CPNE8: variants seen among roughly 807,000 people sequenced by gnomAD.
The protein encoded by CPNE8 is copine 8.
CPNE8 carries 45 observed loss-of-function variants against 81.5 expected under a neutral mutation model. That is an observed-to-expected ratio of 0.55 (90% confidence interval 0.44 to 0.71). CPNE8 has a LOEUF of 0.71. Among genes scored for constraint, CPNE8 ranks in the 30% least tolerant of loss-of-function variants. CPNE8 has a pLI of 0.00. For synonymous variants in CPNE8, 252 were observed against 226.3 expected (o/e 1.11, Z -1.02); for missense variants, 594 against 672.1 (o/e 0.88, Z 1.28).
chr12:38,810,201 T>C (rs757268179), intron 6 of CPNE8, among the ~76,000 whole-genome samples: 35 of 152,152 alleles, frequency 2.3e-4, no homozygotes, highest in Non-Finnish European at 4.3e-4. Context: ...CTCAAGATCT[T>C]TATGGGTCTC....
chr12:38,905,938 G>T (rs539295219), upstream of CPNE8: 65 of 985,382 alleles, frequency 6.6e-5, no homozygotes, highest in South Asian at 2.5e-3. Flanking sequence ...AGCCCTCGCC[G>T]GCTCTGCGTG....
At chr12:38,813,771 T>G (rs1447271922) in intron 6 of CPNE8, among the ~76,000 whole-genome samples, 1 of 152,162 alleles carries the variant, frequency 6.6e-6, no homozygotes, top group Admixed American at 6.5e-5. Flanking sequence ...TGCATAAAAT[T>G]CCAGGTCATT....
chr12:38,668,964 G>A (rs1027291587), intron 19 of CPNE8, among the ~76,000 whole-genome samples: 3 of 151,976 alleles, frequency 2.0e-5, no homozygotes, highest in African/African-American at 7.3e-5. Flanking sequence ...TGAGGCAGGA[G>A]AATGACGTTA....
chr12:38,681,209 A>C (rs1355430420), intron 16 of CPNE8, among the ~76,000 whole-genome samples: 1 of 152,116 alleles, frequency 6.6e-6, no homozygotes, highest in Non-Finnish European at 1.5e-5. Context: ...TTCTAGATGA[A>C]TAGAAATTTT....
chr12:38,895,577 A>T (rs751136086), intron 1 of CPNE8, among the ~76,000 whole-genome samples: 2 of 152,064 alleles, frequency 1.3e-5, no homozygotes, highest in Non-Finnish European at 2.9e-5. Flanking sequence ...GAAATAAAAC[A>T]TCACATGGTT....
chr12:38,799,756 T>A (rs1459377480), intron 6 of CPNE8, among the ~76,000 whole-genome samples: 2 of 145,090 alleles, frequency 1.4e-5, no homozygotes, highest in Non-Finnish European at 1.6e-5. Context: ...CGGGTTCATC[T>A]CACTAGGGAG....
chr12:38,872,139 CA>C (rs371743585), intron 3 of CPNE8, among the ~76,000 whole-genome samples: 9 of 146,936 alleles, frequency 6.1e-5, no homozygotes, highest in Non-Finnish European at 9.1e-5. Flanking sequence ...CTGTCTCAAA[CA>C]AAAAAAAAAT....
chr12:38,817,344 T>C (rs1292868522), intron 6 of CPNE8, among the ~76,000 whole-genome samples: 4 of 152,242 alleles, frequency 2.6e-5, no homozygotes, highest in Non-Finnish European at 5.9e-5. Flanking sequence ...CCTTCCTATA[T>C]TTAGACTGTC....
chr12:38,874,130 A>C (rs1294718318), intron 2 of CPNE8, among the ~76,000 whole-genome samples: 1 of 152,066 alleles, frequency 6.6e-6, no homozygotes, highest in East Asian at 1.9e-4. Flanking sequence ...AAAGAAAAAA[A>C]AGAAACGTAT....
intron 1 of CPNE8, among the ~76,000 whole-genome samples, chr12:38,875,653 C>G (rs555050172): frequency 6.6e-6 from 1 of 152,240 alleles, no homozygotes; most frequent in Admixed American, 6.5e-5. Context: ...GCCATTGAAT[C>G]ACTATACACT....
At chr12:38,813,034 T>G (rs1308013004) in intron 6 of CPNE8, among the ~76,000 whole-genome samples, 2 of 152,204 alleles carry the variant, frequency 1.3e-5, no homozygotes, top group Non-Finnish European at 2.9e-5. Flanking sequence ...GGAGAAAATT[T>G]AAGTAGTTGA....
At chr12:38,727,689 G>A (rs1304229127) in intron 11 of CPNE8, among the ~76,000 whole-genome samples, 1 of 152,106 alleles carries the variant, frequency 6.6e-6, no homozygotes, top group African/African-American at 2.4e-5. Flanking sequence ...TGCTGGAGGT[G>A]ATGATATAAT....
At chr12:38,905,802 G>C (rs1372501856), upstream of CPNE8, 28 of 985,242 alleles carry the variant, frequency 2.8e-5, no homozygotes, top group Non-Finnish European at 3.3e-5. Flanking sequence ...CCGGCAGGCA[G>C]CAGCCCGGGC....
At chr12:38,883,925 G>A (rs778321740) in intron 1 of CPNE8, among the ~76,000 whole-genome samples, 16 of 152,208 alleles carry the variant, frequency 1.1e-4, no homozygotes, top group Middle Eastern at 6.8e-3. Flanking sequence ...TACCTAAGGC[G>A]TCCCTAGGCC....
chr12:38,862,506 A>G (rs1347686656), intron 3 of CPNE8, among the ~76,000 whole-genome samples: 1 of 152,178 alleles, frequency 6.6e-6, no homozygotes, highest in Non-Finnish European at 1.5e-5. Context: ...TTCAAATTTT[A>G]AAAAATAACT....
At chr12:38,843,154 C>A (rs1238473901) in intron 4 of CPNE8, among the ~76,000 whole-genome samples, 1 of 152,166 alleles carries the variant, frequency 6.6e-6, no homozygotes, top group Non-Finnish European at 1.5e-5. Flanking sequence ...TTCATCCTGC[C>A]ATTGAAACCT....
intron 3 of CPNE8, among the ~76,000 whole-genome samples, chr12:38,859,700 C>T (rs1173189947): frequency 6.6e-6 from 1 of 152,010 alleles, no homozygotes; most frequent in Non-Finnish European, 1.5e-5. Context: ...CATTAAAATA[C>T]CATAGTACTG....
intron 18 of CPNE8, among the ~76,000 whole-genome samples, chr12:38,675,110 A>G (rs980983726): frequency 6.6e-6 from 1 of 152,220 alleles, no homozygotes; most frequent in Non-Finnish European, 1.5e-5. Context: ...AGCCTGAATG[A>G]AAAACTACCC....
At chr12:38,679,327 G>T (rs893194990) in intron 16 of CPNE8, among the ~76,000 whole-genome samples, 3 of 151,832 alleles carry the variant, frequency 2.0e-5, no homozygotes, top group Admixed American at 6.6e-5. Flanking sequence ...CTAAGAAAAG[G>T]AGAAGAATAT....
Sources: gnomAD v4.1 joint callset for allele counts (sites outside exome capture counted in the v4.1 genomes callset) on GRCh38, gnomAD v4.1.1 for gene constraint, MANE v1.5 for transcripts, NCBI Gene and HGNC (gene_info 2026-07-23, HGNC 2026-07-21) for gene names.